CLSTN2: variants seen among roughly 807,000 people sequenced by gnomAD.
CLSTN2 encodes calsyntenin 2.
CLSTN2 carries 48 observed loss-of-function variants against 101.2 expected under a neutral mutation model. That is an observed-to-expected ratio of 0.47 (90% CI 0.38 to 0.60). The LOEUF (loss-of-function observed/expected upper bound fraction) is 0.60, where lower values mean the gene tolerates loss of function less well. Among genes scored for constraint, CLSTN2 ranks in the 20% least tolerant of loss-of-function variants. CLSTN2 has a pLI of 0.00. For synonymous variants in CLSTN2, 481 were observed against 463.6 expected (o/e 1.04, Z -0.48); for missense variants, 1,160 against 1,238.2 (o/e 0.94, Z 0.95).
intron 8 of CLSTN2, among the ~76,000 whole-genome samples, chr3:140,476,183 A>G (rs2107748990): frequency 6.6e-6 from 1 of 152,326 alleles, no homozygotes; most frequent in Non-Finnish European, 1.5e-5. Flanking sequence ...AAAGGGCAAA[A>G]AATTGGTAAA....
intron 7 of CLSTN2, among the ~76,000 whole-genome samples, chr3:140,463,868 C>A (rs1479962209): frequency 6.6e-6 from 1 of 152,130 alleles, no homozygotes; most frequent in East Asian, 1.9e-4. Flanking sequence ...GTAGCAGGAG[C>A]TGATGCTGGA....
At chr3:139,971,946 G>A (rs1214375737) in intron 1 of CLSTN2, among the ~76,000 whole-genome samples, 1 of 152,084 alleles carries the variant, frequency 6.6e-6, no homozygotes, top group Non-Finnish European at 1.5e-5. Flanking sequence ...GGGTCAGGGA[G>A]ACTGTCTGCA....
At chr3:140,299,492 C>A (rs375024415) in intron 2 of CLSTN2, among the ~76,000 whole-genome samples, 1 of 152,154 alleles carries the variant, frequency 6.6e-6, no homozygotes, top group Non-Finnish European at 1.5e-5. Context: ...CCAACTGTAA[C>A]GTTTCATTCG....
intron 8 of CLSTN2, among the ~76,000 whole-genome samples, chr3:140,514,482 A>G (rs1049363448): frequency 6.6e-6 from 1 of 152,168 alleles, no homozygotes; most frequent in South Asian, 2.1e-4. Context: ...TCATACATAT[A>G]CATATACTAC....
intron 1 of CLSTN2, among the ~76,000 whole-genome samples, chr3:140,021,473 A>G (rs772132539): frequency 3.3e-5 from 5 of 152,120 alleles, no homozygotes; most frequent in Non-Finnish European, 5.9e-5. Flanking sequence ...GCTCCCAGAC[A>G]CCAGCAAGCC....
At position 140,565,710 on chromosome 3, in the gene CLSTN2, A is replaced by C. The variant is rs1485298231; in HGVS notation, c.2668-343A>C. On this transcript the variant is annotated intron_variant, in intron 16 of 16. Coordinates refer to ENST00000458420, the MANE Select transcript of CLSTN2 (RefSeq NM_022131.3). ...CTAAGGCTTGGACAGCTCCATTTAA[A>C]TAAGCTCCAGAAATGCCTGAAAACA... 3.3e-5 allele frequency among the ~76,000 whole-genome samples: 5 copies of C among 152,250 alleles called. 1 individual carries two copies. The South Asian group carries it at 8.3e-4, about 25-fold the overall frequency.
At chr3:140,437,062 T>TTG (rs1479305469) in intron 5 of CLSTN2, among the ~76,000 whole-genome samples, 3 of 150,670 alleles carry the variant, frequency 2.0e-5, no homozygotes, top group Admixed American at 2.0e-4. Context: ...TTTTTTTTTT[T>TTG]TTTTGAGACT....
intron 1 of CLSTN2, among the ~76,000 whole-genome samples, chr3:140,071,173 C>G (rs1385014793): frequency 6.6e-6 from 1 of 151,860 alleles, no homozygotes; most frequent in East Asian, 1.9e-4. Context: ...CTTGACATTT[C>G]AAATGAGCAG....
intron 2 of CLSTN2, among the ~76,000 whole-genome samples, chr3:140,219,671 C>T (rs1056869842): frequency 2.0e-5 from 3 of 152,210 alleles, no homozygotes; most frequent in Non-Finnish European, 4.4e-5. Context: ...CCAGGCAGCG[C>T]TGCAGATTCA....
intron 8 of CLSTN2, among the ~76,000 whole-genome samples, chr3:140,513,254 T>C (rs1934848722): frequency 6.6e-6 from 1 of 152,184 alleles, no homozygotes; most frequent in South Asian, 2.1e-4. Flanking sequence ...TTGTCATAGA[T>C]GGCTCTTAGT....
At chr3:140,464,683 C>T (rs1046591276) in intron 7 of CLSTN2, among the ~76,000 whole-genome samples, 1 of 152,152 alleles carries the variant, frequency 6.6e-6, no homozygotes, top group South Asian at 2.1e-4. Context: ...CCAAATAAAA[C>T]TAAAGGCAAA....
intron 8 of CLSTN2, among the ~76,000 whole-genome samples, chr3:140,516,398 C>CT (rs942350819): frequency 6.6e-6 from 1 of 151,930 alleles, no homozygotes; most frequent in South Asian, 2.1e-4. Flanking sequence ...GAATACCTTG[C>CT]TTTTTTTCAT....
At chr3:140,240,890 C>G (rs1310424190) in intron 2 of CLSTN2, among the ~76,000 whole-genome samples, 2 of 152,084 alleles carry the variant, frequency 1.3e-5, no homozygotes, top group East Asian at 3.9e-4. Flanking sequence ...ATGAGAGAAC[C>G]TTTTTCTTCC....
chr3:140,527,024 G>A (rs1317322967), intron 8 of CLSTN2, among the ~76,000 whole-genome samples: 1 of 152,028 alleles, frequency 6.6e-6, no homozygotes, highest in Non-Finnish European at 1.5e-5. Flanking sequence ...CATCAGCATT[G>A]GCAAAGAATT....
intron 9 of CLSTN2, among the ~76,000 whole-genome samples, chr3:140,542,559 TA>T (rs1477789589): frequency 1.3e-5 from 2 of 152,208 alleles, no homozygotes; most frequent in South Asian, 2.1e-4. Flanking sequence ...ATATATCTAT[TA>T]TTTTTTTTTA....
chr3:140,188,279 T>C (rs2010510481), intron 2 of CLSTN2, among the ~76,000 whole-genome samples: 3 of 152,344 alleles, frequency 2.0e-5, no homozygotes, highest in South Asian at 4.1e-4. Flanking sequence ...TCTATTTCAA[T>C]GTCTGCTCCC....
intron 2 of CLSTN2, among the ~76,000 whole-genome samples, chr3:140,387,388 G>T (rs966797639): frequency 3.3e-5 from 5 of 152,324 alleles, no homozygotes; most frequent in South Asian, 2.1e-4. Flanking sequence ...GGCAACAAAG[G>T]CTACTGGTGG....
chr3:140,294,763 C>T (rs2086987783), intron 2 of CLSTN2, among the ~76,000 whole-genome samples: 1 of 152,130 alleles, frequency 6.6e-6, no homozygotes, highest in South Asian at 2.1e-4. Flanking sequence ...GAATTATACA[C>T]AACAGAAATT....
At chr3:140,009,234 C>T (rs1467579338) in intron 1 of CLSTN2, among the ~76,000 whole-genome samples, 3 of 152,096 alleles carry the variant, frequency 2.0e-5, no homozygotes, top group Non-Finnish European at 4.4e-5. Flanking sequence ...TTCCTGAAGC[C>T]CCATTTTCTG....
Sources: gnomAD v4.1 joint callset for allele counts (sites outside exome capture counted in the v4.1 genomes callset) on GRCh38, gnomAD v4.1.1 for gene constraint, MANE v1.5 for transcripts, NCBI Gene and HGNC (gene_info 2026-07-23, HGNC 2026-07-21) for gene names.